RAPGEF1: variants seen among roughly 807,000 people sequenced by gnomAD.
RAPGEF1 encodes the protein CRK SH3-binding GNRP.
In RAPGEF1, 33 loss-of-function variants were observed where a neutral mutation model predicts 143.3. The ratio of observed to expected loss-of-function variants is 0.23; its 90% confidence interval spans 0.17 to 0.31. The LOEUF is 0.31. Ranked by LOEUF, RAPGEF1 falls within the 10% of genes least tolerant of loss-of-function variation. The probability of loss-of-function intolerance (pLI) is 1.00; values close to 1 mark genes in which losing one functional copy is unlikely to be tolerated. For synonymous variants in RAPGEF1, 629 were observed against 676.5 expected, an observed-to-expected ratio of 0.93 and a Z score of 1.09; for missense variants, 1,199 against 1,645.4, an observed-to-expected ratio of 0.73 and a Z score of 4.69.
In RAPGEF1 at chr9:131,598,452, T is replaced by C. The variant is rs542403350; in HGVS notation, c.2502-142A>G. 363 of 723,738 alleles carry C rather than the reference T, an allele frequency of 5.0e-4. 1 individual carries two copies. The highest frequency in any genetic ancestry group is 4.8e-3 in the South Asian group (323 of 67,286). 44.8% of individuals were successfully genotyped at this position (723,738 alleles called of 1,614,324 possible). On this transcript the variant is annotated intron_variant, in intron 15 of 26. Transcript: ENST00000683357. Reference sequence around the variant, plus strand: ...CGATGGCAGCTACGTCACTATGGACTGGATCCTCAGCTCTGCTACTGACTG... The same window carrying C: ...CGATGGCAGCTACGTCACTATGGACCGGATCCTCAGCTCTGCTACTGACTG...
intron 1 of RAPGEF1, among the ~76,000 whole-genome samples, chr9:131,730,697 C>CAAAAAAAAAAAAAAAACAAAAAAA (rs1837001844): frequency 1.2e-5 from 1 of 80,374 alleles, no homozygotes; most frequent in East Asian, 4.8e-4. Context: ...GACTCCATCT[C>CAAAAAAAAAAAAAAAACAAAAAAA]AAAAAAAAAA....
At chr9:131,596,211 G>T (rs1955256993) in intron 17 of RAPGEF1, 87 bp downstream of exon 17, 3 of 1,285,974 alleles carry the variant, frequency 2.3e-6, no homozygotes, top group African/African-American at 1.5e-5. Context: ...GGCTGTGGCT[G>T]CCAGGAGGGG....
intron 1 of RAPGEF1, among the ~76,000 whole-genome samples, chr9:131,706,713 A>G (rs1432803185): frequency 6.6e-6 from 1 of 152,218 alleles, no homozygotes; most frequent in Non-Finnish European, 1.5e-5. Flanking sequence ...GCAGGACACC[A>G]TGCGCTATGA....
intron 22 of RAPGEF1, among the ~76,000 whole-genome samples, chr9:131,586,628 A>C (rs1219264011): frequency 9.1e-6 from 1 of 109,676 alleles, no homozygotes; most frequent in African/African-American, 4.3e-5. Flanking sequence ...ACACACACAC[A>C]CCTGCAGAGA....
intron 1 of RAPGEF1, among the ~76,000 whole-genome samples, chr9:131,725,731 G>A (rs1173082516): frequency 2.7e-5 from 4 of 150,878 alleles, no homozygotes; most frequent in Non-Finnish European, 5.9e-5. Context: ...GCCTATTCAA[G>A]CCCTTTGCCC....
intron 17 of RAPGEF1, 34 bp downstream of exon 17, chr9:131,596,264 C>G (rs1264378935): frequency 6.2e-7 from 1 of 1,607,866 alleles, no homozygotes; most frequent in Non-Finnish European, 8.5e-7. Context: ...GGGGCAGGAC[C>G]AGCCCCAATC....
At chr9:131,657,744 T>C (rs1462638177) in intron 1 of RAPGEF1, among the ~76,000 whole-genome samples, 1 of 152,172 alleles carries the variant, frequency 6.6e-6, no homozygotes, top group Non-Finnish European at 1.5e-5. Context: ...AGCGGATGGA[T>C]TCCACTGGTG....
At chr9:131,637,554 T>C (rs996471680) in intron 5 of RAPGEF1, among the ~76,000 whole-genome samples, 7 of 151,932 alleles carry the variant, frequency 4.6e-5, no homozygotes, top group African/African-American at 1.7e-4. Context: ...TGGGAAGGAA[T>C]TTTTTTTGAC....
At chr9:131,732,521 G>T (rs987037283) in intron 1 of RAPGEF1, among the ~76,000 whole-genome samples, 1 of 152,212 alleles carries the variant, frequency 6.6e-6, no homozygotes, top group Admixed American at 6.5e-5. Context: ...GAACCGAGTG[G>T]CGGCTCAGCC....
chr9:131,737,769 A>C (rs981859189), intron 1 of RAPGEF1, among the ~76,000 whole-genome samples: 15 of 152,064 alleles, frequency 9.9e-5, no homozygotes, highest in Admixed American at 3.3e-4. Context: ...TCGAGACCAT[A>C]TTGGCTAACA....
chr9:131,682,027 G>T (rs768861592), intron 1 of RAPGEF1, among the ~76,000 whole-genome samples: 3 of 152,164 alleles, frequency 2.0e-5, no homozygotes, highest in Non-Finnish European at 4.4e-5. Context: ...GATTATCAAG[G>T]CCTGTAATGG....
chr9:131,654,883 C>T (rs1470733830), intron 1 of RAPGEF1, among the ~76,000 whole-genome samples: 1 of 152,150 alleles, frequency 6.6e-6, no homozygotes, highest in African/African-American at 2.4e-5. Flanking sequence ...AGCAGAAATA[C>T]TTGAAATTGG....
intron 3 of RAPGEF1, among the ~76,000 whole-genome samples, chr9:131,648,383 T>C (rs185167672): frequency 6.6e-6 from 1 of 152,144 alleles, no homozygotes; most frequent in African/African-American, 2.4e-5. Context: ...AGAGTGAGAC[T>C]CTTATCTCAA....
intron 1 of RAPGEF1, among the ~76,000 whole-genome samples, chr9:131,685,869 GACAA>G (rs755666089): frequency 2.0e-5 from 3 of 152,128 alleles, no homozygotes; most frequent in African/African-American, 4.8e-5. Context: ...CGTGCATTTG[GACAA>G]ACAGAGAGGC....
At chr9:131,640,768 G>A (rs1967709959) in intron 4 of RAPGEF1, among the ~76,000 whole-genome samples, 2 of 152,158 alleles carry the variant, frequency 1.3e-5, no homozygotes, top group African/African-American at 4.8e-5. Flanking sequence ...CTGCCCCACG[G>A]AAGAAACGAG....
At chr9:131,672,208 G>A (rs1317029839) in intron 1 of RAPGEF1, among the ~76,000 whole-genome samples, 2 of 152,256 alleles carry the variant, frequency 1.3e-5, no homozygotes, top group African/African-American at 4.8e-5. Flanking sequence ...AGCTAAGGCA[G>A]AGGCTAATAA....
rs1483904722 is a variant in RAPGEF1, at chr9:131,619,189, A to G, written c.1923T>C (p.Ser641=). The G allele has an allele frequency of 9.2e-6, 12 of 1,305,790 alleles. No homozygotes were observed. The highest frequency in any genetic ancestry group is 4.9e-5 in the South Asian group (4 of 81,102). 80.9% of individuals were successfully genotyped at this position (1,305,790 alleles called of 1,614,324 possible). A position where few individuals can be genotyped will look rare whatever the true frequency, so the allele number is the denominator to read the frequency against. ...CACAGTGGGAGACAGAGGAGAAGGA[A>G]GAAGCAGCACAGGAGGCCTGCTGGA... ...KQRQLASCAA[S]SFSSVSHCVQ... is the part of the protein sequence containing the mutation. The change falls in exon 12 of 27, where the codon TCT becomes TCC. Residue 641 remains serine (S), a synonymous_variant. Coordinates refer to ENST00000683357, the MANE Select transcript of RAPGEF1 (RefSeq NM_001377935.1).
intron 1 of RAPGEF1, chr9:131,737,428 C>T (rs780784081): frequency 5.0e-6 from 8 of 1,613,838 alleles, no homozygotes; most frequent in Non-Finnish European, 6.8e-6. Flanking sequence ...AGCACGGTCG[C>T]TCGGTCTGGC....
chr9:131,640,476 C>A (rs1967591228), intron 4 of RAPGEF1, among the ~76,000 whole-genome samples: 1 of 152,224 alleles, frequency 6.6e-6, no homozygotes, highest in South Asian at 2.1e-4. Context: ...GCAGAATATT[C>A]CTGTGTCAAG....
Sources: gnomAD v4.1 joint callset for allele counts (sites outside exome capture counted in the v4.1 genomes callset) on GRCh38, gnomAD v4.1.1 for gene constraint, MANE v1.5 for transcripts, NCBI Gene and HGNC (gene_info 2026-07-23, HGNC 2026-07-21) for gene names.